The following CNTN3 variants were observed in gnomAD, a reference collection of about 807,000 sequenced individuals.
The protein encoded by CNTN3 is contactin 3, also known as contactin-3.
CNTN3 carries 60 observed loss-of-function variants against 119.1 expected under a neutral mutation model. That is an observed-to-expected ratio of 0.50 (90% CI 0.41 to 0.62). The LOEUF (loss-of-function observed/expected upper bound fraction) is 0.62, where lower values mean the gene tolerates loss of function less well. CNTN3 is among the 20% of genes least tolerant of loss of function. CNTN3 has a pLI of 0.00. For missense variants in CNTN3, 1,101 were observed against 1,242.4 expected (o/e 0.89, Z 1.71); for synonymous variants, 450 against 438.7 (o/e 1.03, Z -0.32).
chr3:74,319,597 T>C (rs1421431286), intron 13 of CNTN3, among the ~76,000 whole-genome samples: 2 of 151,918 alleles, frequency 1.3e-5, no homozygotes, highest in Non-Finnish European at 2.9e-5. Flanking sequence ...ATTCAGGACA[T>C]AGGCATGGGC....
intron 5 of CNTN3, among the ~76,000 whole-genome samples, chr3:74,422,908 C>A (rs1701638847): frequency 6.6e-6 from 1 of 152,110 alleles, no homozygotes; most frequent in African/African-American, 2.4e-5. Context: ...AGCTGGTGGA[C>A]TGATTCAAGC....
intron 4 of CNTN3, among the ~76,000 whole-genome samples, chr3:74,455,266 C>T (rs1702246146): frequency 6.6e-6 from 1 of 152,034 alleles, no homozygotes; most frequent in Non-Finnish European, 1.5e-5. Flanking sequence ...TCTTCCATCG[C>T]TGATACCCTT....
rs1008046334 is a variant in CNTN3 at position 74,431,664 on chromosome 3, T to C, written c.359-6724A>G. 2.0e-5 allele frequency among the ~76,000 whole-genome samples: 3 copies of C among 152,242 alleles called. No homozygotes were observed. The East Asian group carries it at 5.8e-4, about 29-fold the overall frequency. On this transcript the variant is annotated intron_variant, in intron 4 of 22. Coordinates refer to ENST00000263665, the MANE Select transcript of CNTN3 (RefSeq NM_020872.3). Reference sequence around the variant, plus strand: ...AATGCTGAAAAGGCCACATGTGCAATTGGGCACATAAATATTAAAAAAGAT... The same window carrying C: ...AATGCTGAAAAGGCCACATGTGCAACTGGGCACATAAATATTAAAAAAGAT...
intron 1 of CNTN3, among the ~76,000 whole-genome samples, chr3:74,538,203 G>A (rs948198021): frequency 6.6e-6 from 1 of 152,088 alleles, no homozygotes; most frequent in Non-Finnish European, 1.5e-5. Flanking sequence ...ACTACAGTGA[G>A]GCTTTTTATA....
At chr3:74,546,767 G>A (rs998685994) in intron 1 of CNTN3, among the ~76,000 whole-genome samples, 2 of 152,136 alleles carry the variant, frequency 1.3e-5, no homozygotes, top group African/African-American at 4.8e-5. Context: ...GCCTATTGTG[G>A]GACTTCACTT....
At chr3:74,509,313 C>CTTTT (rs11318453) in intron 2 of CNTN3, among the ~76,000 whole-genome samples, 1 of 117,132 alleles carries the variant, frequency 8.5e-6, no homozygotes, top group African/African-American at 3.2e-5. Context: ...CCTTTCCTTT[C>CTTTT]TTTTTTTTTT....
chr3:74,390,134 G>A (rs1221618217), intron 5 of CNTN3, among the ~76,000 whole-genome samples: 3 of 152,122 alleles, frequency 2.0e-5, no homozygotes, highest in Non-Finnish European at 4.4e-5. Flanking sequence ...GAACTAACAA[G>A]AACAAAAATG....
chr3:74,372,308 C>T (rs1417130346), intron 5 of CNTN3, among the ~76,000 whole-genome samples: 1 of 152,116 alleles, frequency 6.6e-6, no homozygotes, highest in Non-Finnish European at 1.5e-5. Context: ...TACTGACTAA[C>T]ATCTATGTAA....
At chr3:74,570,267 T>C (rs1269876491) in intron 1 of CNTN3, among the ~76,000 whole-genome samples, 2 of 152,084 alleles carry the variant, frequency 1.3e-5, no homozygotes, top group African/African-American at 4.8e-5. Context: ...CCTACCATAC[T>C]TGCAAAGTAG....
chr3:74,525,690 C>A (rs1703609316), intron 1 of CNTN3, among the ~76,000 whole-genome samples: 1 of 151,852 alleles, frequency 6.6e-6, no homozygotes, highest in African/African-American at 2.4e-5. Flanking sequence ...ATATTCACAA[C>A]ACGTTCTCAT....
chr3:74,423,056 C>G (rs1701641847), intron 5 of CNTN3, among the ~76,000 whole-genome samples: 1 of 152,020 alleles, frequency 6.6e-6, no homozygotes, highest in South Asian at 2.1e-4. Context: ...ACCTTTGCCT[C>G]CACAAGGAAG....
chr3:74,439,576 A>G (rs1011642815), intron 4 of CNTN3, among the ~76,000 whole-genome samples: 9 of 152,234 alleles, frequency 5.9e-5, no homozygotes, highest in African/African-American at 2.2e-4. Flanking sequence ...TGTTATTCCC[A>G]ATATTTACAT....
chr3:74,474,339 G>A (rs1702616150), intron 4 of CNTN3, among the ~76,000 whole-genome samples: 1 of 152,060 alleles, frequency 6.6e-6, no homozygotes, highest in Non-Finnish European at 1.5e-5. Flanking sequence ...CAAGTTTATG[G>A]GCAAAATCAA....
chr3:74,602,052 T>C (rs1704919245), intron 1 of CNTN3, among the ~76,000 whole-genome samples: 1 of 151,896 alleles, frequency 6.6e-6, no homozygotes, highest in South Asian at 2.1e-4. Flanking sequence ...CTCATGCCTA[T>C]AATCCCAGTA....
At chr3:74,565,146 A>G (rs1008629047) in intron 1 of CNTN3, among the ~76,000 whole-genome samples, 1 of 152,158 alleles carries the variant, frequency 6.6e-6, no homozygotes, top group Admixed American at 6.6e-5. Context: ...AAGTTATCAC[A>G]CTTACTGGCT....
At chr3:74,341,401 G>A (rs983128208) in intron 11 of CNTN3, among the ~76,000 whole-genome samples, 4 of 151,832 alleles carry the variant, frequency 2.6e-5, no homozygotes, top group African/African-American at 9.7e-5. Flanking sequence ...TGTAGATAAC[G>A]ATGAGTGACT....
At chr3:74,366,467 T>G (rs1050159343) in intron 8 of CNTN3, among the ~76,000 whole-genome samples, 7 of 151,976 alleles carry the variant, frequency 4.6e-5, no homozygotes, top group African/African-American at 1.7e-4. Flanking sequence ...CTATATACAG[T>G]ATATCCAGCC....
intron 11 of CNTN3, among the ~76,000 whole-genome samples, chr3:74,339,606 T>G (rs1488353634): frequency 1.3e-5 from 2 of 152,120 alleles, no homozygotes; most frequent in Non-Finnish European, 2.9e-5. Context: ...AATATTTTTC[T>G]CCTCCAGTAC....
In CNTN3 at chr3:74,451,965, T is replaced by G. The variant is rs1268982726; in HGVS notation, c.359-27025A>C. On this transcript the variant is annotated intron_variant, in intron 4 of 22. Transcript: ENST00000263665. The stretch of plus-strand genomic sequence containing the variant: ...AGGTAGCGTGAGGCCTCCAGCTTTG[T>G]TCTTTTGGCTTAGGATTGACTTGGC... 2.4e-5 allele frequency among the ~76,000 whole-genome samples: 3 copies of G among 127,162 alleles called. No homozygotes were observed. In the Admixed American group the frequency reaches 2.4e-4, roughly 10 times the overall value. 83.4% of individuals were successfully genotyped at this position (127,162 alleles called of 152,430 possible). A position where few individuals can be genotyped will look rare whatever the true frequency, so the allele number is the denominator to read the frequency against.
Sources: gnomAD v4.1 joint callset for allele counts (sites outside exome capture counted in the v4.1 genomes callset) on GRCh38, gnomAD v4.1.1 for gene constraint, MANE v1.5 for transcripts, NCBI Gene and HGNC (gene_info 2026-07-23, HGNC 2026-07-21) for gene names.